C10orf143: variants seen among roughly 807,000 people sequenced by gnomAD.
The protein encoded by C10orf143 is uncharacterized protein C10orf143.
chr10:130,084,952 G>T (rs1861268068), intron 1 of C10orf143, among the ~76,000 whole-genome samples: 1 of 152,118 alleles, frequency 6.6e-6, no homozygotes, highest in Non-Finnish European at 1.5e-5. Context: ...AAGCTGGAAT[G>T]ATTTAAGCAA....
intron 3 of C10orf143, among the ~76,000 whole-genome samples, chr10:130,038,604 G>T (rs1860571240): frequency 6.6e-6 from 1 of 152,148 alleles, no homozygotes; most frequent in South Asian, 2.1e-4. Flanking sequence ...TTAAATGATG[G>T]ATGTAAAGGG....
intron 3 of C10orf143, among the ~76,000 whole-genome samples, chr10:130,052,972 A>G (rs2134734155): frequency 6.6e-6 from 1 of 152,352 alleles, no homozygotes; most frequent in East Asian, 1.9e-4. Context: ...AGTCTTGCAC[A>G]TTTCTATGAA....
chr10:130,064,065 T>C lies in C10orf143; in HGVS notation c.*289A>G. On this transcript the variant is annotated 3_prime_UTR_variant, in exon 4 of 4. Transcript: ENST00000637128. The stretch of plus-strand genomic sequence containing the variant: ...GATACAAAATTTTTTGACTTGTAAA[T>C]AATGCAATTGATCTCCCTCTCAACC... The C allele has an allele frequency of 3.3e-6, 1 of 301,628 alleles. No individual in the cohort carries two copies. The highest frequency in any genetic ancestry group is 5.2e-5 in the East Asian group (1 of 19,396). 18.7% of individuals were successfully genotyped at this position (301,628 alleles called of 1,614,324 possible).
At chr10:130,036,579 C>A (rs528603974) in intron 3 of C10orf143, among the ~76,000 whole-genome samples, 2 of 152,206 alleles carry the variant, frequency 1.3e-5, no homozygotes, top group Non-Finnish European at 2.9e-5. Flanking sequence ...CTGAGAGAAG[C>A]GGCCCCCATC....
chr10:130,102,551 G>C (rs1476051610), intron 1 of C10orf143, among the ~76,000 whole-genome samples: 4 of 152,176 alleles, frequency 2.6e-5, no homozygotes, highest in Admixed American at 2.6e-4. Context: ...TGGGATTAAA[G>C]GCGTGAGCCA....
intron 1 of C10orf143, among the ~76,000 whole-genome samples, chr10:130,103,360 C>G (rs967895579): frequency 7.9e-5 from 12 of 152,266 alleles, no homozygotes; most frequent in African/African-American, 2.2e-4. Flanking sequence ...TTAGCTGGCA[C>G]ACTCCTGTAG....
chr10:130,102,713 G>C (rs946412073), intron 1 of C10orf143, among the ~76,000 whole-genome samples: 2 of 152,094 alleles, frequency 1.3e-5, no homozygotes, highest in African/African-American at 4.8e-5. Flanking sequence ...TTTGCTTCAT[G>C]TATTTTGAAG....
rs995050515 is a variant in C10orf143 at position 130,103,476 on chromosome 10, C to T, written c.69+7228G>A. 9.5e-4 allele frequency among the ~76,000 whole-genome samples: 145 copies of T among 151,836 alleles called. 1 individual carries two copies. The highest frequency in any genetic ancestry group is 4.3e-4 in the Non-Finnish European group (29 of 67,958). On this transcript the variant is annotated intron_variant, in intron 1 of 3. Transcript: ENST00000637128. ...CTGTACTCCAGCCTGGGTGACAGAC[C>T]GAAACTCTGCCTCAATAAGTAAATA...
At chr10:130,059,230 G>A (rs543737235), downstream of C10orf143, among the ~76,000 whole-genome samples, 1 of 152,096 alleles carries the variant, frequency 6.6e-6, no homozygotes, top group Non-Finnish European at 1.5e-5. Flanking sequence ...GGAAAGAAAG[G>A]CCTTTCTCAA....
At chr10:130,083,713 A>G (rs1861244367) in intron 1 of C10orf143, among the ~76,000 whole-genome samples, 2 of 152,196 alleles carry the variant, frequency 1.3e-5, no homozygotes, top group Non-Finnish European at 2.9e-5. Flanking sequence ...CTATCTGCTC[A>G]TTTCTGCAAA....
In C10orf143 at chr10:130,110,797, G is replaced by A. The variant is rs923242885; in HGVS notation, c.-25C>T. 5.0e-6 allele frequency: 2 copies of A among 398,778 alleles called. No individual in the cohort carries two copies. Among genetic ancestry groups the A allele is most frequent in the East Asian group, 3.6e-5 (1 of 28,078 alleles). 24.7% of individuals were successfully genotyped at this position (398,778 alleles called of 1,614,324 possible). On this transcript the variant is annotated 5_prime_UTR_variant, in exon 1 of 4. Transcript: ENST00000637128. ...TGCAGCCCCAGGGTCAAACCCTCCC[G>A]GCATCTCAGGCCTGGCCGAGGCCCG...
intron 1 of C10orf143, among the ~76,000 whole-genome samples, chr10:130,092,549 C>A (rs1380365786): frequency 6.6e-6 from 1 of 152,104 alleles, no homozygotes; most frequent in Non-Finnish European, 1.5e-5. Flanking sequence ...ATGACAGAAT[C>A]AAATTCACAC....
chr10:130,055,546 T>G (rs898167462), intron 3 of C10orf143, among the ~76,000 whole-genome samples: 1 of 152,234 alleles, frequency 6.6e-6, no homozygotes, highest in African/African-American at 2.4e-5. Context: ...GAGATATAAT[T>G]TCTTCCACTG....
chr10:130,101,527 A>G (rs1335798853), intron 1 of C10orf143, among the ~76,000 whole-genome samples: 2 of 152,156 alleles, frequency 1.3e-5, no homozygotes, highest in African/African-American at 2.4e-5. Flanking sequence ...CTATCAATTT[A>G]GAATTCCACA....
chr10:130,086,954 C>T (rs1247054236), intron 1 of C10orf143, among the ~76,000 whole-genome samples: 1 of 152,080 alleles, frequency 6.6e-6, no homozygotes, highest in Non-Finnish European at 1.5e-5. Context: ...CTTCAAGGGG[C>T]GCAGGGGGCT....
chr10:130,091,635 G>GT (rs1207793585), intron 1 of C10orf143, among the ~76,000 whole-genome samples: 1 of 152,186 alleles, frequency 6.6e-6, no homozygotes, highest in Non-Finnish European at 1.5e-5. Flanking sequence ...AAAGGAGCAT[G>GT]TTTTAACCCA....
chr10:130,054,998 T>C (rs1482902436), intron 3 of C10orf143, among the ~76,000 whole-genome samples: 2 of 152,062 alleles, frequency 1.3e-5, no homozygotes, highest in Non-Finnish European at 2.9e-5. Context: ...AAACTGGATA[T>C]GCAAATACAA....
downstream of C10orf143, among the ~76,000 whole-genome samples, chr10:130,062,439 G>A (rs1238168892): frequency 6.6e-6 from 1 of 152,158 alleles, no homozygotes; most frequent in Non-Finnish European, 1.5e-5. Flanking sequence ...AATAATGCAA[G>A]CAGGAGAATG....
At chr10:130,110,298 T>C (rs1480423218) in intron 1 of C10orf143, among the ~76,000 whole-genome samples, 1 of 152,188 alleles carries the variant, frequency 6.6e-6, no homozygotes, top group Non-Finnish European at 1.5e-5. Flanking sequence ...GCCCTGGGCC[T>C]GGCACGTGGC....
Sources: gnomAD v4.1 joint callset for allele counts (sites outside exome capture counted in the v4.1 genomes callset) on GRCh38, gnomAD v4.1.1 for gene constraint, MANE v1.5 for transcripts, NCBI Gene and HGNC (gene_info 2026-07-23, HGNC 2026-07-21) for gene names.